The following APBA1 variants were observed in gnomAD, a reference collection of about 807,000 sequenced individuals.
APBA1 encodes amyloid beta precursor protein binding family A member 1.
A neutral mutation model predicts 86.6 loss-of-function variants in APBA1; 55 were observed. The ratio of observed to expected loss-of-function variants is 0.64; its 90% CI spans 0.51 to 0.80. The LOEUF (loss-of-function observed/expected upper bound fraction) is 0.80. Among genes scored for constraint, APBA1 ranks in the 30% least tolerant of loss-of-function variants. The probability of loss-of-function intolerance (pLI) is 0.00; values close to 1 mark genes in which losing one functional copy is unlikely to be tolerated. For synonymous variants in APBA1, 511 were observed against 493.9 expected, an observed-to-expected ratio of 1.03 and a Z score of -0.46; for missense variants, 1,090 against 1,183.0, an observed-to-expected ratio of 0.92 and a Z score of 1.15.
intron 2 of APBA1, among the ~76,000 whole-genome samples, chr9:69,482,967 T>G (rs1406769266): frequency 7.9e-5 from 7 of 88,258 alleles, no homozygotes; most frequent in African/African-American, 2.3e-4. Flanking sequence ...TGGGGACTGT[T>G]GTGGGGTGGG....
chr9:69,658,220 CTCTCTT>C (rs1325963015), intron 1 of APBA1, among the ~76,000 whole-genome samples: 16 of 148,386 alleles, frequency 1.1e-4, no homozygotes, highest in African/African-American at 4.1e-4. Context: ...CAAGTCCTTT[CTCTCTT>C]TCTTTCTTTC....
chr9:69,516,923 C>T lies in APBA1; in HGVS notation c.288G>A (p.Val96=). 1 of 1,594,552 alleles carries T rather than the reference C, an allele frequency of 6.3e-7. No individual in the cohort carries two copies. The highest frequency in any genetic ancestry group is 8.5e-7 in the Non-Finnish European group (1 of 1,177,188). ...HNHTDTAEGD[V]IAAARDGYDA... ...CGTAGCCGTCGCGGGCCGCGGCGAT[C>T]ACGTCGCCCTCGGCGGTGTCCGTGT... The change falls in exon 2 of 13, where the codon GTG becomes GTA. Residue 96 remains valine (V), a synonymous_variant. Coordinates refer to ENST00000265381, the MANE Select transcript of APBA1 (RefSeq NM_001163.4). This position sits in a 1 kb window ranked among gnomAD's most constrained non-coding sequence, Gnocchi z 7.3.
intron 5 of APBA1, chr9:69,463,271 C>CA (rs914090099): frequency 8.1e-6 from 1 of 123,080 alleles, no homozygotes; most frequent in Non-Finnish European, 1.6e-5. Context: ...AGCTCAAGAA[C>CA]TGTGTATTGG....
In APBA1 at chr9:69,566,783, C is replaced by G. The variant is rs565131133; in HGVS notation, c.-69-49504G>C. The stretch of plus-strand genomic sequence containing the variant: ...GCTGGCTCCCCAGCTACATGCAGGC[C>G]TTTCCTCAGCTGTCCCCTACCTGCC... On this transcript the variant is annotated intron_variant, in intron 1 of 12. Transcript: ENST00000265381. Among the ~76,000 whole-genome samples, 11 of 152,282 alleles carry G rather than the reference C, an allele frequency of 7.2e-5. 1 individual carries two copies. The highest frequency in any genetic ancestry group is 3.4e-3 in the Middle Eastern group (1 of 294).
At chr9:69,467,780 A>G in intron 5 of APBA1, 43 bp downstream of exon 5, 3 of 1,612,332 alleles carry the variant, frequency 1.9e-6, no homozygotes, top group Non-Finnish European at 2.5e-6. Flanking sequence ...TCCAGTGCCT[A>G]CACCAGCCCC....
At chr9:69,545,195 A>T (rs1836678664) in intron 1 of APBA1, among the ~76,000 whole-genome samples, 1 of 152,244 alleles carries the variant, frequency 6.6e-6, no homozygotes, top group Non-Finnish European at 1.5e-5. Context: ...TAGCCAGACT[A>T]AACAAAATGG....
chr9:69,523,487 ATATATATAT>A (rs1836289713), intron 1 of APBA1, among the ~76,000 whole-genome samples: 1 of 14,018 alleles, frequency 7.1e-5, no homozygotes, highest in South Asian at 2.3e-3. Context: ...GTATATATAT[ATATATATAT>A]GTATATATAT....
At chr9:69,528,941 A>G (rs7850384) in intron 1 of APBA1, among the ~76,000 whole-genome samples, 23,584 of 151,978 alleles carry the variant, frequency 0.16, 2,496 homozygotes, top group East Asian at 0.29. Flanking sequence ...TTGAGACCAC[A>G]TCACTTCAAA....
chr9:69,444,795 C>T (rs1834881184), intron 10 of APBA1, among the ~76,000 whole-genome samples: 1 of 152,180 alleles, frequency 6.6e-6, no homozygotes, highest in Admixed American at 6.5e-5. Flanking sequence ...ATTTACGAAT[C>T]ACTTGTCATG....
At chr9:69,466,967 T>C (rs1767247743) in intron 5 of APBA1, among the ~76,000 whole-genome samples, 1 of 152,226 alleles carries the variant, frequency 6.6e-6, no homozygotes, top group Non-Finnish European at 1.5e-5. Flanking sequence ...ATGCTGTCCC[T>C]AGGGCTCTAG....
intron 2 of APBA1, among the ~76,000 whole-genome samples, chr9:69,511,064 G>T (rs375000728): frequency 8.6e-5 from 13 of 151,796 alleles, no homozygotes; most frequent in Middle Eastern, 3.4e-3. Flanking sequence ...AAGCCAAAAT[G>T]GACAAATGGG....
At chr9:69,464,970 C>T (rs1835252356) in intron 5 of APBA1, 1 of 152,168 alleles carries the variant, frequency 6.6e-6, no homozygotes, top group Non-Finnish European at 1.5e-5. Context: ...AAAAAACTAA[C>T]CTCAAGGCAA....
chr9:69,610,097 C>T (rs1172978736), intron 1 of APBA1, among the ~76,000 whole-genome samples: 1 of 152,156 alleles, frequency 6.6e-6, no homozygotes, highest in Non-Finnish European at 1.5e-5. Context: ...GCAAGAGGAT[C>T]ACTTGAGGCC....
intron 1 of APBA1, among the ~76,000 whole-genome samples, chr9:69,661,140 G>C (rs1453282585): frequency 6.6e-6 from 1 of 152,170 alleles, no homozygotes; most frequent in Non-Finnish European, 1.5e-5. Context: ...ACACTAATAG[G>C]TTTACATATT....
At chr9:69,649,911 A>G (rs1396060037) in intron 1 of APBA1, among the ~76,000 whole-genome samples, 2 of 152,218 alleles carry the variant, frequency 1.3e-5, no homozygotes, top group African/African-American at 4.8e-5. Flanking sequence ...GCCGGTTGGC[A>G]TCCTTTAAAC....
chr9:69,586,835 C>T (rs4744919), intron 1 of APBA1, among the ~76,000 whole-genome samples: 101,449 of 152,030 alleles, frequency 0.67, 34,081 homozygotes, highest in East Asian at 0.82. Context: ...CAAATAAGTA[C>T]TTTTTACTAG....
At chr9:69,499,284 C>T (rs750823746) in intron 2 of APBA1, among the ~76,000 whole-genome samples, 3 of 152,050 alleles carry the variant, frequency 2.0e-5, no homozygotes, top group Non-Finnish European at 4.4e-5. Flanking sequence ...CTTCCCTTCC[C>T]TAGGAATACA....
intron 1 of APBA1, among the ~76,000 whole-genome samples, chr9:69,542,293 C>G (rs1836625453): frequency 6.6e-6 from 1 of 152,178 alleles, no homozygotes; most frequent in African/African-American, 2.4e-5. Flanking sequence ...CCATCGTTTA[C>G]TTGGGAGTTC....
chr9:69,631,790 G>A (rs1823052071), intron 1 of APBA1, among the ~76,000 whole-genome samples: 1 of 152,160 alleles, frequency 6.6e-6, no homozygotes, highest in Admixed American at 6.5e-5. Context: ...ATCATTCTCA[G>A]CAAACTATCT....
Sources: allele counts gnomAD v4.1 joint callset (sites outside exome capture counted in the v4.1 genomes callset), GRCh38; gene constraint gnomAD v4.1.1; non-coding constraint Gnocchi (gnomAD v3.1); transcripts MANE v1.5; gene names NCBI Gene and HGNC (gene_info 2026-07-23, HGNC 2026-07-21).